Variants in CHL1 observed in about 807,000 individuals in gnomAD.
The protein encoded by CHL1 is neural cell adhesion molecule L1-like protein.
CHL1 carries 96 observed loss-of-function variants against 141.9 expected under a neutral mutation model. The ratio of observed to expected loss-of-function variants is 0.68; its 90% CI spans 0.57 to 0.80. The LOEUF is 0.80. CHL1 is among the 30% of genes least tolerant of loss of function. The probability of loss-of-function intolerance (pLI) is 0.00; values close to 1 mark genes in which losing one functional copy is unlikely to be tolerated. For synonymous variants in CHL1, 613 were observed against 502.2 expected (o/e 1.22, Z -2.95); for missense variants, 1,820 against 1,457.2 (o/e 1.25, Z -4.05).
intron 2 of CHL1, chr3:246,853 T>G (rs1429464722): frequency 6.6e-6 from 1 of 152,090 alleles, no homozygotes; most frequent in Non-Finnish European, 1.5e-5. Context: ...AGCGATGTTA[T>G]CCATGCATCT....
intron 2 of CHL1, among the ~76,000 whole-genome samples, chr3:258,873 T>G (rs1426933505): frequency 6.6e-6 from 1 of 152,138 alleles, no homozygotes; most frequent in African/African-American, 2.4e-5. Flanking sequence ...GTCCCCTTTT[T>G]TTTTTTATAA....
chr3:362,439 T>C (rs1180348569), intron 13 of CHL1, among the ~76,000 whole-genome samples: 1 of 152,156 alleles, frequency 6.6e-6, no homozygotes, highest in Non-Finnish European at 1.5e-5. Flanking sequence ...ATACGTATTT[T>C]GTTCATCGTG....
chr3:337,530 C>G (rs1286834604), intron 5 of CHL1, among the ~76,000 whole-genome samples: 6 of 150,388 alleles, frequency 4.0e-5, no homozygotes, highest in East Asian at 2.0e-4. Context: ...CCCCACCCCA[C>G]AACAGGCCCC....
At chr3:267,742 T>G (rs1695278686) in intron 2 of CHL1, among the ~76,000 whole-genome samples, 1 of 152,182 alleles carries the variant, frequency 6.6e-6, no homozygotes, top group South Asian at 2.1e-4. Flanking sequence ...AAGAAAAATG[T>G]GAAAGATTAT....
At chr3:340,275 A>G (rs1181597697) in intron 5 of CHL1, among the ~76,000 whole-genome samples, 1 of 152,174 alleles carries the variant, frequency 6.6e-6, no homozygotes, top group Non-Finnish European at 1.5e-5. Context: ...AAAGTGGTCA[A>G]ATTTGGCTTT....
rs149581603 is a variant in CHL1, at chr3:349,192, C to G, written c.849-167C>G. 4.6e-5 allele frequency among the ~76,000 whole-genome samples: 7 copies of G among 152,306 alleles called. No individual in the cohort carries two copies. In the East Asian group the frequency reaches 1.4e-3, roughly 29 times the overall value. ...AGACTTGCTTCAACACCAGTGTTCACTATTGTTGGTGGTGGGTGTGTCTGT... is the reference window on the plus strand; with the variant it reads ...AGACTTGCTTCAACACCAGTGTTCAGTATTGTTGGTGGTGGGTGTGTCTGT... On this transcript the variant is annotated intron_variant, in intron 9 of 27. Transcript: ENST00000256509.
chr3:378,042 A>G, intron 16 of CHL1, 100 bp downstream of exon 16: 1 of 1,031,134 alleles, frequency 9.7e-7, no homozygotes, highest in Non-Finnish European at 1.3e-6. Context: ...GAGCCCCTGC[A>G]CATATATTGT....
intron 1 of CHL1, among the ~76,000 whole-genome samples, chr3:211,471 G>T (rs13093824): frequency 6.6e-6 from 1 of 151,950 alleles, no homozygotes; most frequent in Non-Finnish European, 1.5e-5. Context: ...AAGAACTGCT[G>T]CCATGTCTGG....
intron 9 of CHL1, 107 bp downstream of exon 9, chr3:344,816 C>T: frequency 8.3e-7 from 1 of 1,204,942 alleles, no homozygotes; most frequent in Non-Finnish European, 1.1e-6. Context: ...AAATTATTTC[C>T]TTAAAAAAAT....
At chr3:238,328 G>A (rs1307172463) in intron 1 of CHL1, among the ~76,000 whole-genome samples, 1 of 151,810 alleles carries the variant, frequency 6.6e-6, no homozygotes, top group African/African-American at 2.4e-5. Context: ...TAAAAGCTGA[G>A]GTGCTCACAG....
chr3:241,174 A>G (rs910081431), intron 1 of CHL1, among the ~76,000 whole-genome samples: 1 of 152,162 alleles, frequency 6.6e-6, no homozygotes, highest in Non-Finnish European at 1.5e-5. Context: ...GGAGTTTCAA[A>G]TTACTTATGA....
chr3:353,196 T>C (rs1195209445), intron 10 of CHL1, among the ~76,000 whole-genome samples: 3 of 152,204 alleles, frequency 2.0e-5, no homozygotes, highest in African/African-American at 4.8e-5. Context: ...TTTACAGAAA[T>C]ATCATTATTG....
At chr3:267,909 T>C (rs1219572416) in intron 2 of CHL1, among the ~76,000 whole-genome samples, 4 of 152,216 alleles carry the variant, frequency 2.6e-5, no homozygotes, top group Non-Finnish European at 5.9e-5. Flanking sequence ...TGCATTTGCC[T>C]TGATATCGTC....
chr3:255,643 A>T (rs1222044383), intron 2 of CHL1, among the ~76,000 whole-genome samples: 2 of 152,220 alleles, frequency 1.3e-5, no homozygotes, highest in African/African-American at 4.8e-5. Context: ...AATCTAAAAA[A>T]TGCAAAGATA....
At chr3:352,950 A>C (rs1410599936) in intron 10 of CHL1, among the ~76,000 whole-genome samples, 1 of 152,172 alleles carries the variant, frequency 6.6e-6, no homozygotes, top group African/African-American at 2.4e-5. Flanking sequence ...CAGAGTCTAA[A>C]TGCTGCTCAT....
At chr3:379,863 TA>T (rs917075807) in intron 16 of CHL1, among the ~76,000 whole-genome samples, 3 of 151,996 alleles carry the variant, frequency 2.0e-5, no homozygotes, top group African/African-American at 4.8e-5. Flanking sequence ...CAATTGACAA[TA>T]AAAAAATAAT....
intron 2 of CHL1, among the ~76,000 whole-genome samples, chr3:253,986 T>C (rs1693930171): frequency 6.6e-6 from 1 of 152,028 alleles, no homozygotes; most frequent in Admixed American, 6.6e-5. Context: ...TTATCTCCAT[T>C]TTACGAATGC....
At chr3:295,313 T>C (rs934503044) in intron 2 of CHL1, among the ~76,000 whole-genome samples, 1 of 152,136 alleles carries the variant, frequency 6.6e-6, no homozygotes, top group African/African-American at 2.4e-5. Flanking sequence ...CACATAGTAT[T>C]TAATTAGGAG....
intron 2 of CHL1, among the ~76,000 whole-genome samples, chr3:306,795 C>A (rs945516689): frequency 6.6e-6 from 1 of 152,118 alleles, no homozygotes; most frequent in Non-Finnish European, 1.5e-5. Context: ...AATCATGCAG[C>A]CTTTTCATCT....
Sources: allele counts gnomAD v4.1 joint callset (sites outside exome capture counted in the v4.1 genomes callset), GRCh38; gene constraint gnomAD v4.1.1; transcripts MANE v1.5; gene names NCBI Gene and HGNC (gene_info 2026-07-23, HGNC 2026-07-21).